CALN1: variants seen among roughly 807,000 people sequenced by gnomAD.
CALN1 encodes calcium-binding protein 8.
In CALN1, 17 loss-of-function variants were observed where a neutral mutation model predicts 30.6. The ratio of observed to expected loss-of-function variants is 0.56; its 90% confidence interval spans 0.38 to 0.83. CALN1 has a LOEUF of 0.83. Ranked by LOEUF, CALN1 falls within the 40% of genes least tolerant of loss-of-function variation. The probability of loss-of-function intolerance (pLI) is 0.00; values close to 1 mark genes in which losing one functional copy is unlikely to be tolerated. For synonymous variants in CALN1, 156 were observed against 131.4 expected (o/e 1.19, Z -1.28); for missense variants, 291 against 354.9 (o/e 0.82, Z 1.45).
At chr7:72,257,558 T>A (rs1024816579) in intron 3 of CALN1, among the ~76,000 whole-genome samples, 14 of 152,154 alleles carry the variant, frequency 9.2e-5, no homozygotes, top group African/African-American at 3.4e-4. Flanking sequence ...GTGTGGAGAT[T>A]CCTTAAAGAA....
chr7:71,974,499 T>C (rs1798006393), intron 5 of CALN1, among the ~76,000 whole-genome samples: 2 of 151,926 alleles, frequency 1.3e-5, no homozygotes, highest in Admixed American at 1.3e-4. Flanking sequence ...CTAGTCCTTT[T>C]TAGAAAAGAA....
chr7:71,846,914 A>G (rs1188720041), intron 5 of CALN1, among the ~76,000 whole-genome samples: 2 of 146,762 alleles, frequency 1.4e-5, no homozygotes, highest in East Asian at 3.9e-4. Context: ...ATATACATAC[A>G]TATATGTATA....
At chr7:71,985,423 T>G (rs1798611807) in intron 5 of CALN1, among the ~76,000 whole-genome samples, 1 of 151,906 alleles carries the variant, frequency 6.6e-6, no homozygotes, top group Non-Finnish European at 1.5e-5. Context: ...GTGGAAGGAT[T>G]GAATGAGCCC....
At chr7:72,181,073 G>C (rs1017032760) in intron 3 of CALN1, among the ~76,000 whole-genome samples, 2 of 140,504 alleles carry the variant, frequency 1.4e-5, no homozygotes, top group Non-Finnish European at 3.0e-5. Context: ...ACTCCAGCCT[G>C]GGCAACAGAG....
At chr7:71,902,364 A>G (rs977741811) in intron 5 of CALN1, among the ~76,000 whole-genome samples, 2 of 152,238 alleles carry the variant, frequency 1.3e-5, no homozygotes, top group Non-Finnish European at 2.9e-5. Context: ...CTACAATGAG[A>G]TACTATCTTA....
chr7:72,405,168 G>C (rs1255299488), intron 1 of CALN1, among the ~76,000 whole-genome samples: 1 of 152,186 alleles, frequency 6.6e-6, no homozygotes, highest in Non-Finnish European at 1.5e-5. Context: ...ACTTCCCAAG[G>C]GTTGGGATCT....
rs918677926 is a variant in CALN1 at position 71,832,567 on chromosome 7, CATT to C, written c.502-22078_502-22076del. On this transcript the variant is annotated intron_variant, in intron 5 of 6. Transcript: ENST00000395275. ...CTTCAATGACTCTTAGTTCCTTCAT[CATT>C]GAGTCCAAGTTCTGAAACACAGCTC... Among the ~76,000 whole-genome samples, 51 of 152,112 alleles carry C rather than the reference CATT, an allele frequency of 3.4e-4. 1 individual carries two copies. Among genetic ancestry groups the C allele is most frequent in the Non-Finnish European group, 8.8e-5 (6 of 68,028 alleles).
chr7:71,833,195 T>C (rs528701853), intron 5 of CALN1, among the ~76,000 whole-genome samples: 8 of 152,326 alleles, frequency 5.3e-5, no homozygotes, highest in African/African-American at 1.9e-4. Flanking sequence ...TGTTATTCTA[T>C]ACAACCTTAA....
At position 71,933,288 on chromosome 7, in the gene CALN1, C is replaced by T. The variant is rs114923807; in HGVS notation, c.501+90369G>A. Among the ~76,000 whole-genome samples, 1,495 of 152,166 alleles carry T rather than the reference C, an allele frequency of 9.8e-3. 28 individuals are homozygous for T. Among genetic ancestry groups the T allele is most frequent in the African/African-American group, 0.034 (1,402 of 41,504 alleles). ...GGTGGCCAGGCTTCCCTGCGTGGTACGTAAATGTCACACCTGATGGAACCA... is the reference window on the plus strand; with the variant it reads ...GGTGGCCAGGCTTCCCTGCGTGGTATGTAAATGTCACACCTGATGGAACCA... On this transcript the variant is annotated intron_variant, in intron 5 of 6. Coordinates refer to ENST00000395275, the MANE Select transcript of CALN1 (RefSeq NM_031468.4).
chr7:72,404,117 A>C (rs1806537397), intron 1 of CALN1, among the ~76,000 whole-genome samples: 2 of 152,092 alleles, frequency 1.3e-5, no homozygotes, highest in Non-Finnish European at 2.9e-5. Flanking sequence ...TGTCCCTTAC[A>C]ACTCAGCTCA....
At chr7:72,226,896 G>A (rs573576255) in intron 3 of CALN1, among the ~76,000 whole-genome samples, 39 of 152,006 alleles carry the variant, frequency 2.6e-4, no homozygotes, top group East Asian at 1.2e-3. Context: ...AATTAGCCAC[G>A]CATGATGGCG....
chr7:71,989,229 C>G (rs1039958387), intron 5 of CALN1, among the ~76,000 whole-genome samples: 1 of 152,048 alleles, frequency 6.6e-6, no homozygotes, highest in Non-Finnish European at 1.5e-5. Flanking sequence ...CCTGAGGTCA[C>G]GAGTTCGAGA....
rs370686405 is a variant in CALN1, at chr7:72,266,640, CT to C, written c.244+12045del. ...CTTTTATCTTATGATGCCTTGATCG[CT>C]TTTGGAAACAGGCAGAATATAAATT... is the stretch of plus-strand genomic sequence containing the variant. On this transcript the variant is annotated intron_variant, in intron 3 of 6. Transcript: ENST00000395275. Among the ~76,000 whole-genome samples, 864 of 152,250 alleles carry C rather than the reference CT, an allele frequency of 5.7e-3. 8 individuals are homozygous for C. The highest frequency in any genetic ancestry group is 8.7e-3 in the Non-Finnish European group (595 of 68,022).
At chr7:72,426,791 TG>T (rs1398196205) in intron 1 of CALN1, among the ~76,000 whole-genome samples, 2 of 152,198 alleles carry the variant, frequency 1.3e-5, no homozygotes, top group East Asian at 3.9e-4. Flanking sequence ...TCTTTGGTTC[TG>T]GGGACAGTGA....
intron 3 of CALN1, among the ~76,000 whole-genome samples, chr7:72,218,033 G>A (rs1449364508): frequency 1.3e-5 from 2 of 150,996 alleles, no homozygotes; most frequent in East Asian, 2.0e-4. Context: ...TAGTAGAGAC[G>A]GGGTTTCAAC....
intron 2 of CALN1, among the ~76,000 whole-genome samples, chr7:72,371,161 G>C (rs79267333): frequency 0.025 from 3,865 of 151,778 alleles, 159 homozygotes; most frequent in African/African-American, 0.086. Context: ...GCCTAACCTA[G>C]GGTTGCAAAG....
intron 5 of CALN1, among the ~76,000 whole-genome samples, chr7:71,844,751 G>T (rs1790131328): frequency 6.6e-6 from 1 of 152,150 alleles, no homozygotes; most frequent in African/African-American, 2.4e-5. Flanking sequence ...TGAGACAAAT[G>T]TCAAAAGCAG....
At chr7:72,058,193 G>A (rs73131902) in intron 4 of CALN1, among the ~76,000 whole-genome samples, 565 of 152,136 alleles carry the variant, frequency 3.7e-3, no homozygotes, top group Non-Finnish European at 4.8e-3. Context: ...ATGAGACCCT[G>A]GATGATCGTA....
At chr7:72,317,980 A>G (rs956825816) in intron 2 of CALN1, among the ~76,000 whole-genome samples, 1 of 152,214 alleles carries the variant, frequency 6.6e-6, no homozygotes, top group Non-Finnish European at 1.5e-5. Context: ...TCTACTTCCC[A>G]GTGATTTGCA....
Sources: allele counts gnomAD v4.1 joint callset (sites outside exome capture counted in the v4.1 genomes callset), GRCh38; gene constraint gnomAD v4.1.1; transcripts MANE v1.5; gene names NCBI Gene and HGNC (gene_info 2026-07-23, HGNC 2026-07-21).